FAM114A1: variants seen among roughly 807,000 people sequenced by gnomAD.
The protein encoded by FAM114A1 is protein NOXP20.
In FAM114A1, 62 loss-of-function variants were observed where a neutral mutation model predicts 64.3. The ratio of observed to expected loss-of-function variants is 0.96; its 90% CI spans 0.79 to 1.19. The LOEUF (loss-of-function observed/expected upper bound fraction) is 1.19, where lower values mean the gene tolerates loss of function less well. Ranked by LOEUF, FAM114A1 falls within the 50% of genes most tolerant of loss-of-function variation. FAM114A1 has a pLI of 0.00. For missense variants in FAM114A1, 645 were observed against 676.3 expected, an observed-to-expected ratio of 0.95 and a Z score of 0.51; for synonymous variants, 254 against 251.1, an observed-to-expected ratio of 1.01 and a Z score of -0.11.
chr4:38,927,962 G>C (rs533207931), intron 9 of FAM114A1, among the ~76,000 whole-genome samples: 1 of 152,190 alleles, frequency 6.6e-6, no homozygotes, highest in Non-Finnish European at 1.5e-5. Flanking sequence ...GATTACAGGC[G>C]TGAGCCACCG....
intron 3 of FAM114A1, among the ~76,000 whole-genome samples, chr4:38,880,329 A>G (rs1715131968): frequency 1.3e-5 from 2 of 152,154 alleles, no homozygotes; most frequent in Non-Finnish European, 2.9e-5. Flanking sequence ...AGTCCTTTTT[A>G]TGATTCTTTG....
At chr4:38,905,323 C>T (rs1402648411) in intron 4 of FAM114A1, among the ~76,000 whole-genome samples, 199 bp from the exon 5 acceptor site, 10 of 151,544 alleles carry the variant, frequency 6.6e-5, no homozygotes, top group African/African-American at 2.2e-4. Context: ...CACTTGAACT[C>T]GGGAGGCGGA....
chr4:38,932,380 T>C lies in FAM114A1; in HGVS notation c.1463+6T>C. On this transcript the variant is annotated splice_donor_region_variant and intron_variant, in intron 12 of 14. Coordinates refer to ENST00000358869, the MANE Select transcript of FAM114A1 (RefSeq NM_138389.4). ...CAAGCAAAAGTTCTAATAAAGTAAG[T>C]AAATGTTACTTTAAATTCTTATTTT... 7 of 1,586,002 alleles carry C rather than the reference T, an allele frequency of 4.4e-6. No homozygotes were observed. The highest frequency in any genetic ancestry group is 6.0e-6 in the Non-Finnish European group (7 of 1,171,918).
intron 2 of FAM114A1, among the ~76,000 whole-genome samples, chr4:38,877,733 G>A (rs1391137638): frequency 6.6e-6 from 1 of 152,226 alleles, no homozygotes; most frequent in African/African-American, 2.4e-5. Flanking sequence ...GGGAGGCCAA[G>A]GTGGGTGGAT....
chr4:38,889,667 G>A (rs1716137323), intron 3 of FAM114A1, among the ~76,000 whole-genome samples: 1 of 152,188 alleles, frequency 6.6e-6, no homozygotes, highest in South Asian at 2.1e-4. Flanking sequence ...GTCCAAAACA[G>A]TAGAGCCTGG....
intron 9 of FAM114A1, among the ~76,000 whole-genome samples, chr4:38,926,881 C>T (rs994560445): frequency 3.9e-5 from 6 of 152,198 alleles, no homozygotes; most frequent in African/African-American, 1.4e-4. Flanking sequence ...CCTCCAGGAA[C>T]CCTGCTTCAC....
intron 2 of FAM114A1, among the ~76,000 whole-genome samples, chr4:38,869,339 G>A (rs979980100): frequency 1.3e-5 from 2 of 152,192 alleles, no homozygotes; most frequent in Non-Finnish European, 2.9e-5. Flanking sequence ...AGAGGAATAG[G>A]AGTTTGCCAG....
At chr4:38,932,556 G>A (rs1041552430) in intron 12 of FAM114A1, among the ~76,000 whole-genome samples, 182 bp downstream of exon 12, 1 of 152,060 alleles carries the variant, frequency 6.6e-6, no homozygotes, top group African/African-American at 2.4e-5. Flanking sequence ...GAGTGCAATG[G>A]CATGATCATG....
chr4:38,932,176 T>C, intron 11 of FAM114A1, 59 bp from the exon 12 acceptor site: 2 of 1,533,026 alleles, frequency 1.3e-6, no homozygotes, highest in South Asian at 1.3e-5. Context: ...TGTCACAGCA[T>C]TTTTTTAAAA....
At chr4:38,926,667 G>A in intron 9 of FAM114A1, among the ~76,000 whole-genome samples, 1 of 152,060 alleles carries the variant, frequency 6.6e-6, no homozygotes, top group African/African-American at 2.4e-5. Context: ...CGTTGGCCAG[G>A]CTGGTCTCCA....
intron 3 of FAM114A1, among the ~76,000 whole-genome samples, chr4:38,888,563 T>C (rs1487394814): frequency 1.3e-5 from 2 of 152,216 alleles, no homozygotes; most frequent in Non-Finnish European, 2.9e-5. Flanking sequence ...GAATCCTACA[T>C]TCTTTCTTAG....
At chr4:38,880,115 GAA>G (rs1560288122) in intron 3 of FAM114A1, among the ~76,000 whole-genome samples, 4 of 80,828 alleles carry the variant, frequency 4.9e-5, no homozygotes, top group African/African-American at 1.9e-4. Context: ...GAGTAGAATA[GAA>G]TAGAATAGAA....
At chr4:38,930,074 A>G (rs1209731702) in intron 10 of FAM114A1, among the ~76,000 whole-genome samples, 1 of 152,118 alleles carries the variant, frequency 6.6e-6, no homozygotes, top group Non-Finnish European at 1.5e-5. Flanking sequence ...AGGTAGAGAG[A>G]GGCACGTCAG....
In FAM114A1 at chr4:38,929,222, C is replaced by A. The variant is rs77257789; in HGVS notation, c.1070-20C>A. The A allele has an allele frequency of 8.6e-4, 1,351 of 1,570,934 alleles. 15 individuals carry two copies. In the African/African-American group the frequency reaches 0.017, roughly 20 times the overall value. ...GGATGAAAAATAAATCACGCTTCTT[C>A]TGTCGTGTTCTATTTCTAGGCTTAG... On this transcript the variant is annotated intron_variant, in intron 9 of 14. Transcript: ENST00000358869.
At chr4:38,882,522 G>T (rs530787689) in intron 3 of FAM114A1, among the ~76,000 whole-genome samples, 1 of 151,828 alleles carries the variant, frequency 6.6e-6, no homozygotes, top group African/African-American at 2.4e-5. Context: ...CCAGCTACTC[G>T]AGAGGCTGAG....
At chr4:38,869,859 C>A (rs1382167114) in intron 2 of FAM114A1, among the ~76,000 whole-genome samples, 1 of 151,838 alleles carries the variant, frequency 6.6e-6, no homozygotes, top group African/African-American at 2.4e-5. Flanking sequence ...ATTTTAATAC[C>A]AAGAAAAAGC....
At chr4:38,869,798 A>AT (rs1406267908) in intron 2 of FAM114A1, among the ~76,000 whole-genome samples, 7 of 151,674 alleles carry the variant, frequency 4.6e-5, no homozygotes, top group East Asian at 1.9e-4. Context: ...AAGTCAGGCC[A>AT]TTTTTTTTAA....
chr4:38,921,541 G>A (rs1719591241), intron 8 of FAM114A1, among the ~76,000 whole-genome samples: 1 of 151,932 alleles, frequency 6.6e-6, no homozygotes, highest in African/African-American at 2.4e-5. Flanking sequence ...GGATTACAGG[G>A]GTGAACCACC....
In FAM114A1 at chr4:38,895,691, G is replaced by A. The variant is rs972179; in HGVS notation, c.436+3861G>A. On this transcript the variant is annotated intron_variant, in intron 4 of 14. Coordinates refer to ENST00000358869, the MANE Select transcript of FAM114A1 (RefSeq NM_138389.4). The stretch of plus-strand genomic sequence containing the variant: ...GGGAATACCTTCTGAGAAATGGGTC[G>A]TTGGGTGATTTAATCATTGTGCAAA... Among the ~76,000 whole-genome samples, 17 of 152,296 alleles carry A rather than the reference G, an allele frequency of 1.1e-4. 1 individual carries two copies. The highest frequency in any genetic ancestry group is 5.8e-4 in the East Asian group (3 of 5,188).
Sources: allele counts gnomAD v4.1 joint callset (sites outside exome capture counted in the v4.1 genomes callset), GRCh38; gene constraint gnomAD v4.1.1; transcripts MANE v1.5; gene names NCBI Gene and HGNC (gene_info 2026-07-23, HGNC 2026-07-21).